The following SHCBP1L variants were observed in gnomAD, a reference collection of about 807,000 sequenced individuals.
The protein encoded by SHCBP1L is testicular spindle-associated protein SHCBP1L.
SHCBP1L carries 67 observed loss-of-function variants against 62.5 expected under a neutral mutation model. That is an observed-to-expected ratio of 1.07 (90% CI 0.88 to 1.31). SHCBP1L has a LOEUF of 1.31. SHCBP1L is among the 40% of genes most tolerant of loss of function. SHCBP1L has a pLI of 0.00. For missense variants in SHCBP1L, 823 were observed against 809.8 expected, an observed-to-expected ratio of 1.02 and a Z score of -0.20; for synonymous variants, 284 against 289.4, an observed-to-expected ratio of 0.98 and a Z score of 0.19.
chr1:182,942,174 T>C lies in SHCBP1L; in HGVS notation c.556-1631A>G. The C allele has an allele frequency of 8.3e-6, 9 of 1,079,068 alleles. No homozygotes were observed. In the South Asian group the frequency reaches 1.1e-4, roughly 13 times the overall value. 66.8% of individuals were successfully genotyped at this position (1,079,068 alleles called of 1,614,324 possible). ...CTCTCCTCAGTTTTCGTTTCCCCAT[T>C]TTCTGCAGGTAAATCTTTAGTTTCT... On this transcript the variant is annotated intron_variant, in intron 2 of 9. Transcript: ENST00000367547.
intron 2 of SHCBP1L, among the ~76,000 whole-genome samples, chr1:182,948,290 A>T (rs1308292416): frequency 6.6e-6 from 1 of 152,206 alleles, no homozygotes; most frequent in Non-Finnish European, 1.5e-5. Flanking sequence ...CCCTAATCCT[A>T]ATCTGTGAAT....
chr1:182,943,889 G>A (rs1651460940), intron 2 of SHCBP1L, among the ~76,000 whole-genome samples: 1 of 151,860 alleles, frequency 6.6e-6, no homozygotes, highest in South Asian at 2.1e-4. Flanking sequence ...GGAAGCCGAG[G>A]CGGGTGGATC....
At chr1:182,951,530 G>GT (rs368158689) in intron 1 of SHCBP1L, 63 bp from the exon 2 acceptor site, 140,965 of 803,702 alleles carry the variant, frequency 0.18, 30 homozygotes, top group East Asian at 0.2. Flanking sequence ...AAACTAAGTG[G>GT]TTTTTTTTTT....
intron 5 of SHCBP1L, among the ~76,000 whole-genome samples, chr1:182,935,547 TC>T (rs1651138754): frequency 6.6e-6 from 1 of 152,238 alleles, no homozygotes; most frequent in African/African-American, 2.4e-5. Context: ...GGAGTTTTGT[TC>T]CTTTTTGATT....
chr1:182,905,397 C>A, intron 7 of SHCBP1L, 99 bp downstream of exon 7: 1 of 1,220,512 alleles, frequency 8.2e-7, no homozygotes, highest in Non-Finnish European at 1.1e-6. Flanking sequence ...AACATAAATT[C>A]TATTGTAATT....
chr1:182,939,762 G>C (rs1221818097), intron 3 of SHCBP1L, among the ~76,000 whole-genome samples: 3 of 152,118 alleles, frequency 2.0e-5, no homozygotes, highest in Non-Finnish European at 4.4e-5. Flanking sequence ...GAGATAATGA[G>C]TGGGACTGTA....
In SHCBP1L at chr1:182,929,750, A is replaced by G. The variant is rs1431652081; in HGVS notation, c.1079T>C (p.Val360Ala). ...LKMWEDLRLR[V>A]HGPFFPRILR... The stretch of plus-strand genomic sequence containing the variant: ...AATTCTTGGAAAGAAAGGTCCATGA[A>G]CTCTATAGTTGAAAATATTTAGTTA... The change falls in exon 6 of 10, where the codon GTT becomes GCT. Residue 360 changes from valine to alanine, a missense_variant and splice_region_variant. Physicochemically the swap from Val to Ala is moderately conservative, Grantham distance 64. Coordinates refer to ENST00000367547, the MANE Select transcript of SHCBP1L (RefSeq NM_030933.4). 1 of 1,563,680 alleles carries G rather than the reference A, an allele frequency of 6.4e-7. No individual in the cohort carries two copies. The highest frequency in any genetic ancestry group is 2.3e-5 in the East Asian group (1 of 43,790).
chr1:182,949,340 G>C (rs1174760822), intron 2 of SHCBP1L, among the ~76,000 whole-genome samples: 1 of 151,200 alleles, frequency 6.6e-6, no homozygotes, highest in Non-Finnish European at 1.5e-5. Flanking sequence ...AAAAAATCCA[G>C]AGAAGTTGTG....
intron 5 of SHCBP1L, among the ~76,000 whole-genome samples, chr1:182,932,149 G>A (rs1651025937): frequency 7.7e-6 from 1 of 129,722 alleles, no homozygotes; most frequent in Non-Finnish European, 1.5e-5. Context: ...TTGTCTGGGT[G>A]TCCCAACATT....
At position 182,903,073 on chromosome 1, in the gene SHCBP1L, C is replaced by G. The variant is rs528204098; in HGVS notation, c.1676G>C (p.Ser559Thr). Residue 559 changes from serine to threonine, a missense_variant, in exon 9 of 10, where the codon AGT becomes ACT. Coordinates refer to ENST00000367547, the MANE Select transcript of SHCBP1L (RefSeq NM_030933.4). ...HHCNNLRTSNSSKSTLGGVNM... is the reference protein window; with the variant it reads ...HHCNNLRTSNTSKSTLGGVNM... ...AACTCCACCTAAGGTGCTTTTTGAA[C>G]TGTTACTGGTTCTGAGGTTATTACA... 1.9e-6 allele frequency: 3 copies of G among 1,597,598 alleles called. No individual in the cohort carries two copies. Among genetic ancestry groups the G allele is most frequent in the East Asian group, 2.3e-5 (1 of 44,194 alleles).
At chr1:182,924,782 A>AAG (rs1557996850) in intron 6 of SHCBP1L, among the ~76,000 whole-genome samples, 7 of 101,348 alleles carry the variant, frequency 6.9e-5, no homozygotes, top group African/African-American at 4.2e-4. Flanking sequence ...GAAAGAAAGA[A>AAG]AGAAAGAGAG....
chr1:182,917,430 G>A (rs993846461), intron 6 of SHCBP1L, among the ~76,000 whole-genome samples: 2 of 152,180 alleles, frequency 1.3e-5, no homozygotes, highest in Non-Finnish European at 2.9e-5. Flanking sequence ...TTTTAGTAGA[G>A]GTGGGGTTTC....
At chr1:182,939,691 A>C in intron 3 of SHCBP1L, 138 bp from the exon 4 acceptor site, 2 of 644,302 alleles carry the variant, frequency 3.1e-6, no homozygotes, top group Non-Finnish European at 5.0e-6. Flanking sequence ...CCTTTGAGTG[A>C]ACTAAAAGGT....
chr1:182,904,247 C>G lies in SHCBP1L; in HGVS notation c.1520G>C (p.Gly507Ala), dbSNP rs766823322. The G allele has an allele frequency of 1.2e-6, 2 of 1,614,132 alleles. No homozygotes were observed. The highest frequency in any genetic ancestry group is 1.7e-5 in the Admixed American group (1 of 60,016). Residue 507 changes from glycine to alanine, a missense_variant, in exon 8 of 10, where the codon GGA (glycine) becomes GCA (alanine). Coordinates refer to ENST00000367547, the MANE Select transcript of SHCBP1L (RefSeq NM_030933.4). ...TLENCILKCE[G>A]TGVCVLTGAA... ...CCCTGTAAGAACACACACTCCTGTT[C>G]CTTCACATTTTAATATGCAGTTTTC...
chr1:182,924,769 AAAG>A (rs1363583384), intron 6 of SHCBP1L, among the ~76,000 whole-genome samples: 3 of 115,010 alleles, frequency 2.6e-5, no homozygotes, highest in Non-Finnish European at 4.9e-5. Context: ...AGAAAGAAAG[AAAG>A]AAAGAAAGAA....
intron 5 of SHCBP1L, among the ~76,000 whole-genome samples, chr1:182,935,155 A>C (rs1198130549): frequency 1.3e-5 from 2 of 152,080 alleles, no homozygotes; most frequent in Non-Finnish European, 2.9e-5. Context: ...CTTTTTGGCT[A>C]TTCTAGGTTT....
rs1439083413 is a variant in SHCBP1L at position 182,936,812 on chromosome 1, G to A, written c.1076+2364C>T. ...CACCTGTAATCTCAGCACTTTGGAG[G>A]TCGAGGTGGGAGGATCACTTGAGCC... On this transcript the variant is annotated intron_variant, in intron 5 of 9. Transcript: ENST00000367547. 2.0e-5 allele frequency among the ~76,000 whole-genome samples: 3 copies of A among 152,028 alleles called. No homozygotes were observed. The East Asian group carries it at 5.8e-4, about 29-fold the overall frequency.
chr1:182,942,526 G>C, intron 2 of SHCBP1L: 1 of 569,284 alleles, frequency 1.8e-6, no homozygotes, highest in South Asian at 1.9e-5. Context: ...GACCCACCAA[G>C]AGTAAAATTC....
chr1:182,921,161 G>A (rs1403619481), intron 6 of SHCBP1L, among the ~76,000 whole-genome samples: 1 of 152,146 alleles, frequency 6.6e-6, no homozygotes, highest in Non-Finnish European at 1.5e-5. Context: ...ATCCTATCAA[G>A]CTAACAGTGG....
Sources: allele counts gnomAD v4.1 joint callset (sites outside exome capture counted in the v4.1 genomes callset), GRCh38; gene constraint gnomAD v4.1.1; transcripts MANE v1.5; gene names NCBI Gene and HGNC (gene_info 2026-07-23, HGNC 2026-07-21).